Variants in TMTC1 observed in about 807,000 individuals in gnomAD.
The protein encoded by TMTC1 is protein O-mannosyl-transferase TMTC1.
Under a neutral mutation model 104.8 loss-of-function variants are expected in TMTC1, and 73 were observed. That is an observed-to-expected ratio of 0.70 (90% confidence interval 0.58 to 0.85). The LOEUF (loss-of-function observed/expected upper bound fraction) is 0.85, where lower values mean the gene tolerates loss of function less well. Among genes scored for constraint, TMTC1 ranks in the 40% least tolerant of loss-of-function variants. The pLI, the probability that TMTC1 is intolerant of heterozygous loss-of-function variation, is 0.00. For missense variants in TMTC1, 1,035 were observed against 1,096.1 expected, an observed-to-expected ratio of 0.94 and a Z score of 0.79; for synonymous variants, 434 against 428.7, an observed-to-expected ratio of 1.01 and a Z score of -0.15.
chr12:29,762,038 C>T (rs1300868760), intron 2 of TMTC1, among the ~76,000 whole-genome samples: 1 of 152,000 alleles, frequency 6.6e-6, no homozygotes, highest in Non-Finnish European at 1.5e-5. Context: ...ATACAAATGC[C>T]TAGCCGGGTG....
chr12:29,517,576 G>A lies in TMTC1; in HGVS notation c.2025-5C>T, dbSNP rs994163451. On this transcript the variant is annotated splice_polypyrimidine_tract_variant and splice_region_variant and intron_variant, in intron 13 of 17. Coordinates refer to ENST00000539277, the MANE Select transcript of TMTC1 (RefSeq NM_001193451.2). ...TTGTGTGCCACCTGCAGGGCGCTGA[G>A]TTTGGAGAAAATCTAAATGACATTT... 1 of 1,614,058 alleles carries A rather than the reference G, an allele frequency of 6.2e-7. No homozygotes were observed.
At chr12:29,680,482 A>G (rs1271716938) in intron 5 of TMTC1, among the ~76,000 whole-genome samples, 1 of 152,242 alleles carries the variant, frequency 6.6e-6, no homozygotes, top group Non-Finnish European at 1.5e-5. Context: ...TTCCTTTTAT[A>G]CATAAGAATG....
At chr12:29,597,548 T>G (rs990343729) in intron 7 of TMTC1, among the ~76,000 whole-genome samples, 1 of 151,692 alleles carries the variant, frequency 6.6e-6, no homozygotes, top group African/African-American at 2.4e-5. Flanking sequence ...CTGCCTCACC[T>G]TGGGGCACAC....
At chr12:29,763,799 G>A (rs987865396) in intron 2 of TMTC1, among the ~76,000 whole-genome samples, 1 of 152,160 alleles carries the variant, frequency 6.6e-6, no homozygotes, top group Non-Finnish European at 1.5e-5. Flanking sequence ...GGCCTAGGAA[G>A]GAACAAAAAT....
chr12:29,543,065 G>A (rs1238287144), intron 10 of TMTC1, among the ~76,000 whole-genome samples: 1 of 152,182 alleles, frequency 6.6e-6, no homozygotes, highest in African/African-American at 2.4e-5. Flanking sequence ...CCTGGGACCA[G>A]TGACATCATC....
chr12:29,751,349 AG>A (rs1943085174), intron 5 of TMTC1, among the ~76,000 whole-genome samples: 1 of 152,102 alleles, frequency 6.6e-6, no homozygotes, highest in Non-Finnish European at 1.5e-5. Flanking sequence ...GGAGAAGGGG[AG>A]GGAGAACGTT....
intron 3 of TMTC1, among the ~76,000 whole-genome samples, chr12:29,757,453 G>A (rs1215656696): frequency 6.6e-6 from 1 of 152,198 alleles, no homozygotes; most frequent in Non-Finnish European, 1.5e-5. Context: ...GGTAGAGGAG[G>A]TAGTGGCTAG....
chr12:29,529,618 A>G (rs953855819), intron 11 of TMTC1, among the ~76,000 whole-genome samples: 1 of 152,208 alleles, frequency 6.6e-6, no homozygotes, highest in Non-Finnish European at 1.5e-5. Context: ...CCAAGAAACT[A>G]TTCAAGACAC....
chr12:29,768,248 T>C (rs1044104334), intron 1 of TMTC1, among the ~76,000 whole-genome samples, 173 bp from the exon 2 acceptor site: 6 of 152,222 alleles, frequency 3.9e-5, no homozygotes, highest in Non-Finnish European at 8.8e-5. Context: ...ACATTTTTCC[T>C]ATTTCAGAAT....
At chr12:29,615,103 C>T (rs768956847) in intron 6 of TMTC1, among the ~76,000 whole-genome samples, 16 of 152,328 alleles carry the variant, frequency 1.1e-4, no homozygotes, top group Middle Eastern at 3.4e-3. Context: ...TATAAGCGAA[C>T]AGGGCCAATT....
chr12:29,583,158 C>T (rs1245086603), intron 8 of TMTC1, among the ~76,000 whole-genome samples: 1 of 152,134 alleles, frequency 6.6e-6, no homozygotes. Flanking sequence ...AATTCACAGA[C>T]TCAAAAACTT....
At chr12:29,751,526 A>T in intron 5 of TMTC1, 140 bp downstream of exon 5, 1 of 831,072 alleles carries the variant, frequency 1.2e-6, no homozygotes, top group Non-Finnish European at 2.0e-6. Context: ...GGACAGGAAG[A>T]AGGGGGTAAG....
intron 11 of TMTC1, 150 bp downstream of exon 11, chr12:29,536,058 AG>A (rs750239581): frequency 1.4e-5 from 9 of 624,684 alleles, no homozygotes; most frequent in Admixed American, 3.0e-5. Context: ...TGAGAAAATT[AG>A]GCTTGTAATT....
chr12:29,634,819 G>C (rs1428319477), intron 5 of TMTC1, among the ~76,000 whole-genome samples: 3 of 152,202 alleles, frequency 2.0e-5, no homozygotes, highest in Non-Finnish European at 2.9e-5. Flanking sequence ...AAAGACATTA[G>C]ATGAGATAAT....
chr12:29,656,249 C>T (rs1370930006), intron 5 of TMTC1, among the ~76,000 whole-genome samples: 1 of 150,610 alleles, frequency 6.6e-6, no homozygotes, highest in Non-Finnish European at 1.5e-5. Context: ...TCAAAAGAGT[C>T]AATTCTAATG....
At chr12:29,688,476 T>TC (rs902687960) in intron 5 of TMTC1, among the ~76,000 whole-genome samples, 7 of 152,084 alleles carry the variant, frequency 4.6e-5, no homozygotes, top group Non-Finnish European at 1.0e-4. Context: ...AATATGTCAA[T>TC]CCCCTAATGC....
intron 6 of TMTC1, among the ~76,000 whole-genome samples, chr12:29,609,628 G>A (rs2766605): frequency 0.23 from 35,027 of 152,188 alleles, 4,924 homozygotes; most frequent in East Asian, 0.38. Context: ...AATACAGACC[G>A]CATCTGATGG....
At chr12:29,575,762 G>A (rs34187264) in intron 8 of TMTC1, among the ~76,000 whole-genome samples, 31,079 of 152,092 alleles carry the variant, frequency 0.2, 3,427 homozygotes, top group East Asian at 0.39. Flanking sequence ...GTAAATACCC[G>A]AGGACGGATT....
intron 5 of TMTC1, among the ~76,000 whole-genome samples, chr12:29,737,769 ATGATATGAGCTCCCGGAGCC>A (rs1942719093): frequency 6.6e-6 from 1 of 152,124 alleles, no homozygotes; most frequent in Non-Finnish European, 1.5e-5. Flanking sequence ...TGCTGAGCGA[ATGATATGAGCTCCCGGAGCC>A]TTGCTTTCCA....
Sources: allele counts gnomAD v4.1 joint callset (sites outside exome capture counted in the v4.1 genomes callset), GRCh38; gene constraint gnomAD v4.1.1; transcripts MANE v1.5; gene names NCBI Gene and HGNC (gene_info 2026-07-23, HGNC 2026-07-21).